The following ZNF32 variants were observed in gnomAD, a reference collection of about 807,000 sequenced individuals.
The protein encoded by ZNF32 is zinc finger protein 32.
A neutral mutation model predicts 24.4 loss-of-function variants in ZNF32; 13 were observed. That is an observed-to-expected ratio of 0.53 (90% CI 0.35 to 0.85). The LOEUF (loss-of-function observed/expected upper bound fraction) is 0.85. ZNF32 is among the 40% of genes least tolerant of loss of function. ZNF32 has a pLI of 0.01. For synonymous variants in ZNF32, 115 were observed against 117.4 expected (o/e 0.98, Z 0.13); for missense variants, 239 against 325.3 (o/e 0.73, Z 2.04).
At chr10:43,646,493 T>C (rs1283156498) in intron 1 of ZNF32, among the ~76,000 whole-genome samples, 8 of 152,192 alleles carry the variant, frequency 5.3e-5, no homozygotes. Flanking sequence ...GGTCTTGGCA[T>C]GTAATTGGGA....
Position 43,644,360 on chromosome 10 carries a change from C to T in ZNF32, c.512G>A (p.Arg171Lys). 6.2e-7 allele frequency: 1 copy of T among 1,613,528 alleles called. No individual in the cohort carries two copies. The highest frequency in any genetic ancestry group is 8.5e-7 in the Non-Finnish European group (1 of 1,179,564). Residue 171 changes from arginine to lysine, a missense_variant, in exon 3 of 3, where the codon AGG becomes AAG. By Grantham distance (26) the Arg-to-Lys change is conservative. Coordinates refer to ENST00000374433, the MANE Select transcript of ZNF32 (RefSeq NM_006973.3). The surrounding 1 kb of genome is among the most constrained non-coding windows in gnomAD (Gnocchi z 5.3). Reference protein sequence around the residue: ...YECAICQRSFRNQSNLAVHRR... With the variant: ...YECAICQRSFKNQSNLAVHRR... Reference sequence around the variant, plus strand: ...GTGAACAGCAAGGTTACTCTGATTCCTGAAGCTTCTCTGACAAATAGCACA... The same window carrying T: ...GTGAACAGCAAGGTTACTCTGATTCTTGAAGCTTCTCTGACAAATAGCACA...
In ZNF32 at chr10:43,644,056, G is replaced by T; in HGVS notation, c.816C>A (p.Thr272=). ...VHQRSCSQRL[T]L ...CTTCTCTTCAGGAAAGTGGTCAAAG[G>T]GTGAGCCTCTGTGAGCAGCTTCGCT... Residue 272 remains threonine, a synonymous_variant, in exon 3 of 3, where the codon ACC becomes ACA. Coordinates refer to ENST00000374433, the MANE Select transcript of ZNF32 (RefSeq NM_006973.3). This position sits in a 1 kb window ranked among gnomAD's most constrained non-coding sequence, Gnocchi z 5.3. 6.2e-7 allele frequency: 1 copy of T among 1,611,658 alleles called. No individual in the cohort carries two copies. Among genetic ancestry groups the T allele is most frequent in the South Asian group, 1.1e-5 (1 of 90,756 alleles).
chr10:43,645,386 C>T (rs1439489417), intron 2 of ZNF32, among the ~76,000 whole-genome samples: 1 of 152,204 alleles, frequency 6.6e-6, no homozygotes, highest in Admixed American at 6.5e-5. Flanking sequence ...GAATAAGCAC[C>T]ATGACCTCAG....
rs752652047 is a variant in ZNF32, at chr10:43,644,200, C to T, written c.672G>A (p.Lys224=). Residue 224 remains lysine (K), a synonymous_variant, in exon 3 of 3, where the codon AAG becomes AAA. Coordinates refer to ENST00000374433, the MANE Select transcript of ZNF32 (RefSeq NM_006973.3). The surrounding 1 kb of genome is among the most constrained non-coding windows in gnomAD (Gnocchi z 5.3). ...TACAATTCCCCCTGGTGTGGAAACT[C>T]TTCCTGCACTGGGTACAGGCATAGG... ...LKPYACTQCR[K]SFHTRGNCIL... is the part of the protein sequence containing the mutation. 1.2e-6 allele frequency: 2 copies of T among 1,614,084 alleles called. No individual in the cohort carries two copies. Among genetic ancestry groups the T allele is most frequent in the African/African-American group, 2.7e-5 (2 of 74,926 alleles).
chr10:43,646,164 C>T lies in ZNF32; in HGVS notation c.-31G>A. ...CTCCTGCTTACGACCTCAGTCACCA[C>T]CTCTTCATATGATTCTTCCATGGGC... On this transcript the variant is annotated 5_prime_UTR_variant, in exon 2 of 3. The change creates a new upstream start codon in the 5' untranslated region. Coordinates refer to ENST00000374433, the MANE Select transcript of ZNF32 (RefSeq NM_006973.3). The T allele has an allele frequency of 6.2e-7, 1 of 1,613,038 alleles. No individual in the cohort carries two copies. Among genetic ancestry groups the T allele is most frequent in the Non-Finnish European group, 8.5e-7 (1 of 1,179,400 alleles).
Position 43,644,937 on chromosome 10 carries a change from C to G in ZNF32, c.71-136G>C. ...TGCATAGACAATGCAATCCTGAAAA[C>G]AATGCCATGAGAGTGATACAGATAA... is the stretch of plus-strand genomic sequence containing the variant. On this transcript the variant is annotated intron_variant, in intron 2 of 2. Transcript: ENST00000374433. This position sits in a 1 kb window ranked among gnomAD's most constrained non-coding sequence, Gnocchi z 5.3. 1 of 1,010,210 alleles carries G rather than the reference C, an allele frequency of 9.9e-7. No homozygotes were observed. The highest frequency in any genetic ancestry group is 1.4e-6 in the Non-Finnish European group (1 of 706,444). The allele number at this position is 1,010,210 out of a possible 1,614,324, so 62.6% of individuals were successfully genotyped here.
At chr10:43,647,840 T>A (rs573828685) in intron 1 of ZNF32, 1 of 152,222 alleles carries the variant, frequency 6.6e-6, no homozygotes, top group Non-Finnish European at 1.5e-5. Flanking sequence ...AATTCACAGC[T>A]CTGCCTCTCC....
rs1243751856 is a variant in ZNF32 at position 43,646,207 on chromosome 10, G to A, written c.-69-5C>T. ...CCATGGGCTGTTCCTGAGCACCTGA[G>A]GGAGAAAAACAAACAGAAACAAACA... On this transcript the variant is annotated splice_polypyrimidine_tract_variant and splice_region_variant and intron_variant, in intron 1 of 2. Coordinates refer to ENST00000374433, the MANE Select transcript of ZNF32 (RefSeq NM_006973.3). 5 of 1,544,860 alleles carry A rather than the reference G, an allele frequency of 3.2e-6. No homozygotes were observed. The highest frequency in any genetic ancestry group is 4.4e-6 in the Non-Finnish European group (5 of 1,131,174).
intron 2 of ZNF32, chr10:43,645,837 T>C (rs374129486): frequency 3.5e-6 from 3 of 853,186 alleles, no homozygotes; most frequent in East Asian, 3.6e-5. Context: ...TGCTCATTCA[T>C]TCTCAGAGAC....
intron 1 of ZNF32, chr10:43,647,304 C>G (rs992598155): frequency 2.0e-5 from 3 of 152,122 alleles, no homozygotes; most frequent in African/African-American, 7.2e-5. Flanking sequence ...TGGTCTCCAA[C>G]TCTTGGCCTG....
rs370602012 is a variant in ZNF32 at position 43,646,135 on chromosome 10, T to C, written c.-2A>G. 1.9e-6 allele frequency: 3 copies of C among 1,613,990 alleles called. No homozygotes were observed. The highest frequency in any genetic ancestry group is 1.3e-5 in the African/African-American group (1 of 74,902). ...GGTAGCTGTTGGAAATCCAAACATG[T>C]CCACTCCTGCTTACGACCTCAGTCA... On this transcript the variant is annotated 5_prime_UTR_variant, in exon 2 of 3. Transcript: ENST00000374433.
intron 2 of ZNF32, among the ~76,000 whole-genome samples, chr10:43,645,642 G>A (rs1839261210): frequency 2.0e-5 from 3 of 152,162 alleles, no homozygotes; most frequent in South Asian, 4.2e-4. Context: ...TTTTGGTTTG[G>A]AAGTTATTCT....
Position 43,644,431 on chromosome 10 carries a change from A to G in ZNF32, c.441T>C (p.Ser147=). 1 of 1,614,154 alleles carries G rather than the reference A, an allele frequency of 6.2e-7. No individual in the cohort carries two copies. Among genetic ancestry groups the G allele is most frequent in the South Asian group, 1.1e-5 (1 of 91,074 alleles). Residue 147 remains serine (S), a synonymous_variant, in exon 3 of 3, where the codon AGT becomes AGC. Transcript: ENST00000374433. The surrounding 1 kb of genome is among the most constrained non-coding windows in gnomAD (Gnocchi z 5.3). ...TGTGGAGTCTCTCGTGGACAGCGAGACTACCTCGTTGACTGAAGCTTTTCC... is the reference window on the plus strand; with the variant it reads ...TGTGGAGTCTCTCGTGGACAGCGAGGCTACCTCGTTGACTGAAGCTTTTCC... ...ECGKSFSQRG[S]LAVHERLHTG...
rs757028354 is a variant in ZNF32 at position 43,644,249 on chromosome 10, A to G, written c.623T>C (p.Ile208Thr). The G allele has an allele frequency of 5.0e-6, 8 of 1,614,174 alleles. No homozygotes were observed. Among genetic ancestry groups the G allele is most frequent in the Admixed American group, 1.7e-5 (1 of 60,024 alleles). Residue 208 changes from isoleucine to threonine, a missense_variant, in exon 3 of 3, where the codon ATC becomes ACC. Transcript: ENST00000374433. The surrounding 1 kb of genome is among the most constrained non-coding windows in gnomAD (Gnocchi z 5.3). ...GGGCTTCAGGCCTGTGTGGACTCTG[A>G]TGTGAACAATTAAGCTTCCTTTCTG... ...FSQKGSLIVHIRVHTGLKPYA... is the reference protein window; with the variant it reads ...FSQKGSLIVHTRVHTGLKPYA...
Position 43,644,964 on chromosome 10 carries a change from G to T in ZNF32, c.71-163C>A. On this transcript the variant is annotated intron_variant, in intron 2 of 2. Transcript: ENST00000374433. This position sits in a 1 kb window ranked among gnomAD's most constrained non-coding sequence, Gnocchi z 5.3. ...ATGCCATGAGAGTGATACAGATAATGGGAGCAAAGGGAGCCTGTCAAAGGT... is the reference window on the plus strand; with the variant it reads ...ATGCCATGAGAGTGATACAGATAATTGGAGCAAAGGGAGCCTGTCAAAGGT... The T allele has an allele frequency of 1.3e-6, 1 of 786,346 alleles. No individual in the cohort carries two copies. Among genetic ancestry groups the T allele is most frequent in the Non-Finnish European group, 1.9e-6 (1 of 514,602 alleles). The allele number at this position is 786,346 out of a possible 1,614,324, so 48.7% of individuals were successfully genotyped here.
chr10:43,644,250 T>C lies in ZNF32; in HGVS notation c.622A>G (p.Ile208Val). Residue 208 changes from isoleucine to valine, a missense_variant, in exon 3 of 3, where the codon ATC (isoleucine) becomes GTC (valine). Transcript: ENST00000374433. The surrounding 1 kb of genome is among the most constrained non-coding windows in gnomAD (Gnocchi z 5.3). ...FSQKGSLIVHIRVHTGLKPYA... is the reference protein window; with the variant it reads ...FSQKGSLIVHVRVHTGLKPYA... ...GGCTTCAGGCCTGTGTGGACTCTGA[T>C]GTGAACAATTAAGCTTCCTTTCTGA... is the stretch of plus-strand genomic sequence containing the variant. The C allele has an allele frequency of 6.2e-7, 1 of 1,614,258 alleles. No individual in the cohort carries two copies. The highest frequency in any genetic ancestry group is 8.5e-7 in the Non-Finnish European group (1 of 1,180,038).
chr10:43,644,834 C>G lies in ZNF32; in HGVS notation c.71-33G>C. On this transcript the variant is annotated intron_variant, in intron 2 of 2. Transcript: ENST00000374433. The surrounding 1 kb of genome is among the most constrained non-coding windows in gnomAD (Gnocchi z 5.3). The stretch of plus-strand genomic sequence containing the variant: ...AATGAGAGGGAAGTCATATAAGAAG[C>G]ACCAATAATGCTGAGTTAGAATAGG... The G allele has an allele frequency of 6.4e-7, 1 of 1,551,878 alleles. No homozygotes were observed. The highest frequency in any genetic ancestry group is 8.7e-7 in the Non-Finnish European group (1 of 1,154,040).
chr10:43,648,648 G>GGCT (rs982708211), intron 1 of ZNF32, 154 bp downstream of exon 1: 1 of 152,186 alleles, frequency 6.6e-6, no homozygotes, highest in African/African-American at 2.4e-5. Flanking sequence ...CTCCGCTCGC[G>GGCT]GCTGGCCTCC....
rs1839226756 is a variant in ZNF32, at chr10:43,644,798, A to G, written c.74T>C (p.Val25Ala). 1.9e-6 allele frequency: 3 copies of G among 1,586,068 alleles called. No homozygotes were observed. The highest frequency in any genetic ancestry group is 2.6e-6 in the Non-Finnish European group (3 of 1,169,130). Residue 25 changes from valine to alanine, a missense_variant, in exon 3 of 3, where the codon GTG (valine) becomes GCG (alanine). Physicochemically the swap from Val to Ala is moderately conservative, Grantham distance 64. Transcript: ENST00000374433. The surrounding 1 kb of genome is among the most constrained non-coding windows in gnomAD (Gnocchi z 5.3). Reference protein sequence around the residue: ...RYAQNVAFFNVMTEAHHKYDH... With the variant: ...RYAQNVAFFNAMTEAHHKYDH... ...ATATTTGTGGTGGGCTTCAGTCATC[A>G]CATCTGATAAAATGAGAGGGAAGTC...
Sources: allele counts gnomAD v4.1 joint callset (sites outside exome capture counted in the v4.1 genomes callset), GRCh38; gene constraint gnomAD v4.1.1; non-coding constraint Gnocchi (gnomAD v3.1); transcripts MANE v1.5; gene names NCBI Gene and HGNC (gene_info 2026-07-23, HGNC 2026-07-21).